Variants in SMAD3 observed in about 807,000 individuals in gnomAD.
SMAD3 encodes SMAD family member 3.
A neutral mutation model predicts 51.8 loss-of-function variants in SMAD3; 12 were observed. The ratio of observed to expected loss-of-function variants is 0.23; its 90% CI spans 0.15 to 0.38. The LOEUF (loss-of-function observed/expected upper bound fraction) is 0.38. Among genes scored for constraint, SMAD3 ranks in the 10% least tolerant of loss-of-function variants. The probability of loss-of-function intolerance (pLI) is 1.00; values close to 1 mark genes in which losing one functional copy is unlikely to be tolerated. For missense variants in SMAD3, 294 were observed against 565.6 expected, an observed-to-expected ratio of 0.52 and a Z score of 4.87; for synonymous variants, 238 against 227.7, an observed-to-expected ratio of 1.05 and a Z score of -0.41.
intron 1 of SMAD3, among the ~76,000 whole-genome samples, chr15:67,100,380 G>T (rs1300640167): frequency 9.9e-5 from 15 of 152,022 alleles, no homozygotes; most frequent in Non-Finnish European, 2.1e-4. Flanking sequence ...GGGGAATGGG[G>T]AGTGACTGCT....
intron 1 of SMAD3, among the ~76,000 whole-genome samples, chr15:67,119,939 G>A (rs1465444985): frequency 6.6e-6 from 1 of 152,154 alleles, no homozygotes; most frequent in Non-Finnish European, 1.5e-5. Context: ...TGGGATTATA[G>A]GCACACGCTA....
intron 1 of SMAD3, among the ~76,000 whole-genome samples, chr15:67,120,677 T>G (rs1288423043): frequency 6.6e-6 from 1 of 152,068 alleles, no homozygotes; most frequent in Non-Finnish European, 1.5e-5. Context: ...GGTAAGAAAT[T>G]GGGCCTGGGA....
rs1171980797 is a variant in SMAD3, at chr15:67,164,928, G to A, written c.240G>A (p.Arg80=). 1.2e-6 allele frequency: 2 copies of A among 1,613,476 alleles called. No individual in the cohort carries two copies. The highest frequency in any genetic ancestry group is 1.7e-6 in the Non-Finnish European group (2 of 1,180,048). The change falls in exon 2 of 9, where the codon CGG becomes CGA. Residue 80 remains arginine, a synonymous_variant. Transcript: ENST00000327367. ...ATGGCCGGTTGCAGGTGTCCCATCG[G>A]AAGGGGCTCCCTCATGTCATCTACT... ...SLDGRLQVSH[R]KGLPHVIYCR... is the part of the protein sequence containing the mutation.
intron 1 of SMAD3, among the ~76,000 whole-genome samples, chr15:67,093,559 G>A (rs1960552879): frequency 6.6e-6 from 1 of 152,330 alleles, no homozygotes; most frequent in South Asian, 2.1e-4. Flanking sequence ...GTCAAGCGGG[G>A]AGTCTAGCAA....
chr15:67,136,835 A>G (rs1961677324), intron 1 of SMAD3, among the ~76,000 whole-genome samples: 1 of 152,214 alleles, frequency 6.6e-6, no homozygotes, highest in South Asian at 2.1e-4. Context: ...CAGAGGATGG[A>G]GATCCCTGGG....
chr15:67,152,335 A>T (rs549379916), intron 1 of SMAD3, among the ~76,000 whole-genome samples: 1 of 140,102 alleles, frequency 7.1e-6, no homozygotes, highest in African/African-American at 2.7e-5. Flanking sequence ...ATGCAAATTA[A>T]TTTGATTCCC....
intron 1 of SMAD3, among the ~76,000 whole-genome samples, chr15:67,079,841 A>G (rs1028052648): frequency 2.6e-5 from 4 of 152,204 alleles, no homozygotes; most frequent in East Asian, 1.9e-4. Flanking sequence ...ACAAAAAGCT[A>G]TGACACTGCT....
intron 1 of SMAD3, among the ~76,000 whole-genome samples, chr15:67,150,798 CTTTTTTTTT>C (rs774186264): frequency 2.8e-5 from 1 of 35,528 alleles, no homozygotes; most frequent in Non-Finnish European, 5.1e-5. Flanking sequence ...CCATGTCCTG[CTTTTTTTTT>C]TTTTTTTTTT....
At chr15:67,166,963 T>A in intron 4 of SMAD3, 110 bp downstream of exon 4, 1 of 898,294 alleles carries the variant, frequency 1.1e-6, no homozygotes, top group Admixed American at 2.0e-5. Flanking sequence ...TATCTCTCTC[T>A]CCAGTATTTG....
At chr15:67,133,156 G>A (rs1961567006) in intron 1 of SMAD3, among the ~76,000 whole-genome samples, 2 of 152,196 alleles carry the variant, frequency 1.3e-5, no homozygotes, top group Admixed American at 1.3e-4. Flanking sequence ...TGTGGGGTCT[G>A]TGCCTCTTCT....
At chr15:67,075,404 C>G (rs984732356) in intron 1 of SMAD3, among the ~76,000 whole-genome samples, 4 of 152,138 alleles carry the variant, frequency 2.6e-5, no homozygotes, top group African/African-American at 7.2e-5. Flanking sequence ...TTGTCTCTAC[C>G]CAGACAGGTT....
At chr15:67,077,822 G>A (rs927913861) in intron 1 of SMAD3, among the ~76,000 whole-genome samples, 1 of 152,114 alleles carries the variant, frequency 6.6e-6, no homozygotes, top group African/African-American at 2.4e-5. Flanking sequence ...GCCAGAGTGT[G>A]GATGAGGGAG....
Position 67,181,211 on chromosome 15 carries a change from A to G in SMAD3, c.659-30A>G, listed in dbSNP as rs111328648. 1,916 of 1,580,352 alleles carry G rather than the reference A, an allele frequency of 1.2e-3. 18 individuals are homozygous for G. The African/African-American group carries it at 0.019, about 16-fold the overall frequency. On this transcript the variant is annotated intron_variant, in intron 5 of 8. Coordinates refer to ENST00000327367, the MANE Select transcript of SMAD3 (RefSeq NM_005902.4). ...GGGAGCATGGGGCTTGGGACACCCA[A>G]TGACCCAGTAGCCCACCCTGTGTCC...
rs1960845759 is a variant in SMAD3, at chr15:67,105,047, T to C, written c.206+38687T>C. ...AGTATCAAAGCCACCTGTGGCTCCA[T>C]CTCACCTCCCTGAACAGGAGGCACT... On this transcript the variant is annotated intron_variant, in intron 1 of 8. Transcript: ENST00000327367. 3.3e-5 allele frequency among the ~76,000 whole-genome samples: 5 copies of C among 152,336 alleles called. No individual in the cohort carries two copies. The South Asian group carries it at 1.0e-3, about 32-fold the overall frequency.
chr15:67,153,444 G>A (rs1170973739), intron 1 of SMAD3, among the ~76,000 whole-genome samples: 11 of 140,998 alleles, frequency 7.8e-5, no homozygotes, highest in Non-Finnish European at 1.4e-4. Context: ...AGATCACTCC[G>A]CTGTACTCCA....
intron 1 of SMAD3, among the ~76,000 whole-genome samples, chr15:67,136,273 T>TC (rs1305526222): frequency 6.6e-6 from 1 of 151,986 alleles, no homozygotes; most frequent in Non-Finnish European, 1.5e-5. Flanking sequence ...CATCTTGAGC[T>TC]CCCAGGGTCA....
At chr15:67,166,191 C>T (rs1295801167) in intron 3 of SMAD3, 5 of 1,013,322 alleles carry the variant, frequency 4.9e-6, no homozygotes, top group Non-Finnish European at 5.9e-6. Context: ...TGGCGTCCCG[C>T]GGGTAAGTCA....
intron 7 of SMAD3, 23 bp downstream of exon 7, chr15:67,184,887 C>T: frequency 6.2e-7 from 1 of 1,612,248 alleles, no homozygotes; most frequent in Admixed American, 1.7e-5. Context: ...CACAGGCACC[C>T]CTGCCTTGAG....
intron 1 of SMAD3, among the ~76,000 whole-genome samples, chr15:67,093,920 T>TC (rs1960560185): frequency 1.3e-5 from 2 of 152,196 alleles, no homozygotes; most frequent in Admixed American, 1.3e-4. Flanking sequence ...ATTTGGTGCC[T>TC]CCCCCTGTTG....
Sources: allele counts gnomAD v4.1 joint callset (sites outside exome capture counted in the v4.1 genomes callset), GRCh38; gene constraint gnomAD v4.1.1; transcripts MANE v1.5; gene names NCBI Gene and HGNC (gene_info 2026-07-23, HGNC 2026-07-21).